Variants in USP9Y observed in about 807,000 individuals in gnomAD.
The protein encoded by USP9Y is ubiquitin carboxyl-terminal hydrolase 9Y.
A neutral mutation model predicts 53.1 loss-of-function variants in USP9Y; 41 were observed. The ratio of observed to expected loss-of-function variants is 0.77; its 90% CI spans 0.60 to 1.00. USP9Y has a LOEUF of 1.00. Ranked by LOEUF, USP9Y falls within the 50% of genes least tolerant of loss-of-function variation. The pLI is 0.00. For synonymous variants in USP9Y, 220 were observed against 173.7 expected, an observed-to-expected ratio of 1.27 and a Z score of -2.09; for missense variants, 567 against 535.8, an observed-to-expected ratio of 1.06 and a Z score of -0.58.
intron 45 of USP9Y, among the ~76,000 whole-genome samples, chrY:12,857,932 A>G: frequency 3.0e-5 from 1 of 33,411 alleles, no homozygotes; most frequent in African/African-American, 1.2e-4. Context: ...CCATTGTGAT[A>G]TGTTCTTTGT....
rs1603204674 is a variant in USP9Y, at chrY:12,859,521, C to T, written c.*105C>T. 4 of 278,867 alleles carry T rather than the reference C, an allele frequency of 1.4e-5. No homozygotes were observed. In the East Asian group the frequency reaches 4.2e-4, roughly 29 times the overall value. The allele number at this position is 278,867 out of a possible 400,897, so 69.6% of individuals were successfully genotyped here. A position where few individuals can be genotyped will look rare whatever the true frequency, so the allele number is the denominator to read the frequency against. ...TGAAAACTAGATAAACTGCTCCAAACCAACATGGAGTAAAGAGCATATTCA... is the reference window on the plus strand; with the variant it reads ...TGAAAACTAGATAAACTGCTCCAAATCAACATGGAGTAAAGAGCATATTCA... On this transcript the variant is annotated 3_prime_UTR_variant, in exon 46 of 46. Coordinates refer to ENST00000338981, the MANE Select transcript of USP9Y (RefSeq NM_004654.4).
At chrY:12,823,283 T>C in intron 33 of USP9Y, among the ~76,000 whole-genome samples, 1 of 33,817 alleles carries the variant, frequency 3.0e-5, no homozygotes, top group Non-Finnish European at 7.3e-5. Context: ...CATAGTGATG[T>C]ATACTTGTGT....
intron 3 of USP9Y, among the ~76,000 whole-genome samples, chrY:12,710,687 G>A: frequency 3.0e-5 from 1 of 33,409 alleles, no homozygotes. Flanking sequence ...GAAAAAAACG[G>A]TAGAGAATTG....
rs370945889 is a variant in USP9Y at position 12,725,158 on chromosome Y, G to A, written c.371G>A (p.Gly124Glu). ...SEACQRFFRD[G>E]LTISFTKILM... Reference sequence around the variant, plus strand: ...GCATGCCAACGTTTTTTTCGAGATGGACTAACAATATCTTTCACTAAAATT... The same window carrying A: ...GCATGCCAACGTTTTTTTCGAGATGAACTAACAATATCTTTCACTAAAATT... The change falls in exon 6 of 46, where the codon GGA becomes GAA. Residue 124 changes from glycine to glutamate, a missense_variant. Coordinates refer to ENST00000338981, the MANE Select transcript of USP9Y (RefSeq NM_004654.4). 2.5e-6 allele frequency: 1 copy of A among 395,580 alleles called. No individual in the cohort carries two copies. The highest frequency in any genetic ancestry group is 6.4e-5 in the African/African-American group (1 of 15,552).
chrY:12,859,962 T>G lies in USP9Y; in HGVS notation c.*546T>G. On this transcript the variant is annotated 3_prime_UTR_variant, in exon 46 of 46. Transcript: ENST00000338981. ...ATGTGGAAAATTGGCAGTGTAACAT[T>G]TCTAGATACTTTTCATTACCTTTTT... 1 of 34,959 alleles carries G rather than the reference T, an allele frequency of 2.9e-5. No individual in the cohort carries two copies. The highest frequency in any genetic ancestry group is 1.1e-4 in the African/African-American group (1 of 8,735). 8.7% of individuals were successfully genotyped at this position (34,959 alleles called of 400,897 possible). A position where few individuals can be genotyped will look rare whatever the true frequency, so the allele number is the denominator to read the frequency against.
chrY:12,777,511 T>C, intron 19 of USP9Y, among the ~76,000 whole-genome samples: 1 of 33,606 alleles, frequency 3.0e-5, no homozygotes, highest in African/African-American at 1.1e-4. Context: ...TGAAAAAATG[T>C]AAAATTGCTT....
chrY:12,722,365 T>TAC (rs538692294), intron 5 of USP9Y, among the ~76,000 whole-genome samples, 178 bp downstream of exon 5: 241 of 30,167 alleles, frequency 8.0e-3, no homozygotes, highest in Admixed American at 0.016. Context: ...ATATACTTAT[T>TAC]ACACACACAC....
chrY:12,806,861 ACAGT>A (rs2053525053), intron 27 of USP9Y, among the ~76,000 whole-genome samples: 1 of 32,423 alleles, frequency 3.1e-5, no homozygotes, highest in Admixed American at 2.8e-4. Flanking sequence ...TTCTGTTTTT[ACAGT>A]TGTCTTGGTT....
intron 45 of USP9Y, 67 bp downstream of exon 45, chrY:12,857,728 T>A (rs766197393): frequency 4.1e-6 from 1 of 243,510 alleles, no homozygotes; most frequent in South Asian, 3.8e-5. Context: ...GGTCTTCAAT[T>A]ATTATTTTCT....
intron 42 of USP9Y, among the ~76,000 whole-genome samples, chrY:12,856,096 C>A (rs892756173): frequency 3.3e-4 from 11 of 33,018 alleles, no homozygotes; most frequent in African/African-American, 1.2e-3. Context: ...AGTCAGATTG[C>A]TAACCAGCTG....
chrY:12,793,484 T>A, intron 27 of USP9Y, among the ~76,000 whole-genome samples: 1 of 33,573 alleles, frequency 3.0e-5, no homozygotes, highest in Non-Finnish European at 7.4e-5. Flanking sequence ...TTTTAACCTC[T>A]TTTTTAAGTT....
At chrY:12,730,143 C>G in intron 7 of USP9Y, among the ~76,000 whole-genome samples, 4 of 32,763 alleles carry the variant, frequency 1.2e-4, no homozygotes, top group African/African-American at 4.8e-4. Flanking sequence ...CAGAGTTTCA[C>G]CATGTTGGCC....
intron 15 of USP9Y, among the ~76,000 whole-genome samples, chrY:12,761,228 G>C: frequency 3.0e-5 from 1 of 33,754 alleles, no homozygotes; most frequent in Non-Finnish European, 7.3e-5. Flanking sequence ...CCAGAGTGCT[G>C]GGATTACAGG....
At chrY:12,758,734 A>T (rs2053472132) in intron 14 of USP9Y, 92 bp downstream of exon 14, 2 of 175,419 alleles carry the variant, frequency 1.1e-5, no homozygotes, top group Non-Finnish European at 1.9e-5. Flanking sequence ...AAAGAAAACC[A>T]TGGTGGGAAA....
chrY:12,739,033 TAAA>T, intron 11 of USP9Y, among the ~76,000 whole-genome samples: 1 of 33,334 alleles, frequency 3.0e-5, no homozygotes, highest in Non-Finnish European at 7.4e-5. Flanking sequence ...CTTTCCATAA[TAAA>T]AAACCCTGGT....
chrY:12,789,703 C>T (rs2053505695), intron 24 of USP9Y, among the ~76,000 whole-genome samples: 1 of 33,577 alleles, frequency 3.0e-5, no homozygotes, highest in Non-Finnish European at 7.4e-5. Flanking sequence ...GGTTAAGCTG[C>T]GAGAAGCTTT....
intron 27 of USP9Y, among the ~76,000 whole-genome samples, chrY:12,795,630 G>T (rs917090993): frequency 3.0e-5 from 1 of 32,955 alleles, no homozygotes; most frequent in African/African-American, 1.2e-4. Context: ...TTGCTAGTTG[G>T]TTATTTTTGT....
At chrY:12,839,723 C>T (rs2053558508) in intron 35 of USP9Y, 141 bp from the exon 36 acceptor site, 8 of 172,682 alleles carry the variant, frequency 4.6e-5, no homozygotes, top group Non-Finnish European at 9.9e-6. Flanking sequence ...ACATAATTAC[C>T]CTGATGGTAT....
intron 12 of USP9Y, among the ~76,000 whole-genome samples, chrY:12,744,023 AT>A (rs2053458664): frequency 6.0e-5 from 2 of 33,343 alleles, no homozygotes; most frequent in Non-Finnish European, 1.5e-4. Flanking sequence ...GCATTTTCTC[AT>A]TTTCTGTATC....
Sources: gnomAD v4.1 joint callset for allele counts (sites outside exome capture counted in the v4.1 genomes callset) on GRCh38, gnomAD v4.1.1 for gene constraint, MANE v1.5 for transcripts, NCBI Gene and HGNC (gene_info 2026-07-23, HGNC 2026-07-21) for gene names.